Variants in KCNC4 observed in about 807,000 individuals in gnomAD.
The protein encoded by KCNC4 is potassium voltage-gated channel subfamily C member 4.
KCNC4 carries 23 observed loss-of-function variants against 42.8 expected under a neutral mutation model. The ratio of observed to expected loss-of-function variants is 0.54; its 90% CI spans 0.39 to 0.76. KCNC4 has a LOEUF of 0.76. Among genes scored for constraint, KCNC4 ranks in the 30% least tolerant of loss-of-function variants. The pLI, the probability that KCNC4 is intolerant of heterozygous loss-of-function variation, is 0.00. For synonymous variants in KCNC4, 422 were observed against 393.5 expected, an observed-to-expected ratio of 1.07 and a Z score of -0.86; for missense variants, 751 against 898.2, an observed-to-expected ratio of 0.84 and a Z score of 2.10.
chr1:110,239,639 C>T (rs1658986135), exon 4 of KCNC4: 2 of 152,222 alleles, frequency 1.3e-5, no homozygotes, highest in Admixed American at 1.3e-4. Context: ...ACTCCATCCT[C>T]TCTTATTCCT....
chr1:110,250,985 G>A (rs903805949), downstream of KCNC4, among the ~76,000 whole-genome samples: 2 of 152,178 alleles, frequency 1.3e-5, no homozygotes, highest in Admixed American at 6.5e-5. Context: ...ACGGGACTAG[G>A]GCCATGTAAG....
chr1:110,253,759 C>T (rs149227842), downstream of KCNC4, among the ~76,000 whole-genome samples: 25 of 152,296 alleles, frequency 1.6e-4, no homozygotes, highest in East Asian at 4.6e-3. Context: ...TCCTTGTTGA[C>T]GGTGTTATCA....
At chr1:110,258,732 G>A (rs1462326292) in intron 1 of KCNC4, among the ~76,000 whole-genome samples, 1 of 152,148 alleles carries the variant, frequency 6.6e-6, no homozygotes, top group African/African-American at 2.4e-5. Context: ...CAGGATTTGA[G>A]CAAAATATCA....
In KCNC4 at chr1:110,211,403, C is replaced by T. The variant is rs1657436310; in HGVS notation, c.-97C>T. ...GGGCCGCCACCGCCTCCTGCCTCCT[C>T]TTCGTCTCCTCCCCCTCCCCCGTCT... On this transcript the variant is annotated 5_prime_UTR_variant, in exon 1 of 4. Transcript: ENST00000438661. This position sits in a 1 kb window ranked among gnomAD's most constrained non-coding sequence, Gnocchi z 6.5. 1.4e-6 allele frequency: 2 copies of T among 1,476,844 alleles called. No individual in the cohort carries two copies. The highest frequency in any genetic ancestry group is 9.0e-7 in the Non-Finnish European group (1 of 1,107,430). The allele number at this position is 1,476,844 out of a possible 1,614,324, so 91.5% of individuals were successfully genotyped here. A position where few individuals can be genotyped will look rare whatever the true frequency, so the allele number is the denominator to read the frequency against.
At chr1:110,219,679 C>A (rs1657987061) in intron 1 of KCNC4, 2 of 152,176 alleles carry the variant, frequency 1.3e-5, no homozygotes, top group African/African-American at 4.8e-5. Flanking sequence ...ACCTCTTCTT[C>A]CCTTGGCCCC....
chr1:110,212,682 G>A (rs545511858), intron 1 of KCNC4, among the ~76,000 whole-genome samples: 1 of 152,322 alleles, frequency 6.6e-6, no homozygotes, highest in African/African-American at 2.4e-5. Context: ...TCACAACTAT[G>A]CACTTCAGAG....
At chr1:110,236,481 G>T (rs1658910665), downstream of KCNC4, 1 of 152,158 alleles carries the variant, frequency 6.6e-6, no homozygotes, top group Non-Finnish European at 1.5e-5. Flanking sequence ...CATAGCAAAG[G>T]TATTGTTTTC....
At position 110,223,042 on chromosome 1, in the gene KCNC4, A is replaced by G. The variant is rs760315282; in HGVS notation, c.757A>G (p.Ile253Val). 14 of 1,613,872 alleles carry G rather than the reference A, an allele frequency of 8.7e-6. No homozygotes were observed. In the South Asian group the frequency reaches 9.9e-5, roughly 11 times the overall value. ...CCTGGAGACCCATGAGGCCTTTAAT[A>G]TCGACCGCAACGTGACAGAGATCCT... is the stretch of plus-strand genomic sequence containing the variant. ...FCLETHEAFN[I>V]DRNVTEILRV... Residue 253 changes from isoleucine (I) to valine (V), a missense_variant, in exon 2 of 4, where the codon ATC becomes GTC. By Grantham distance (29) the Ile-to-Val change is conservative. Around this residue, in one of 4 missense-constraint regions of KCNC4, gnomAD observed 181 missense variants for 167.3 expected, o/e 1.08. Coordinates refer to ENST00000438661, the MANE Select transcript of KCNC4 (RefSeq NM_001039574.3). The surrounding 1 kb of genome is among the most constrained non-coding windows in gnomAD (Gnocchi z 7.5).
chr1:110,225,921 G>T, intron 2 of KCNC4, 54 bp from the exon 3 acceptor site: 1 of 1,501,238 alleles, frequency 6.7e-7, no homozygotes, highest in South Asian at 1.3e-5. Context: ...GATGACCCAT[G>T]AGCAAGGCTC....
chr1:110,250,476 GCCTGGGCCATTTTGTGATTAGAAACTC>G (rs1050854476), downstream of KCNC4, among the ~76,000 whole-genome samples: 6 of 152,186 alleles, frequency 3.9e-5, no homozygotes, highest in Non-Finnish European at 7.3e-5. Context: ...CACTGCACAA[GCCTGGGCCATTTTGTGATTAGAAACTC>G]CCAGGAAAAA....
At position 110,246,860 on chromosome 1, in the gene KCNC4, G is replaced by T. The variant is rs1488731195; in HGVS notation, c.*14551G>T. 5.4e-5 allele frequency: 8 copies of T among 148,410 alleles called. No individual in the cohort carries two copies. The East Asian group carries it at 1.6e-3, about 29-fold the overall frequency. The allele number at this position is 148,410 out of a possible 1,614,324, so 9.2% of individuals were successfully genotyped here. ...GTTATATCAGGGCTTTTAGAGTATCGGTCACTCAAATAACATACATTGTAC... is the reference window on the plus strand; with the variant it reads ...GTTATATCAGGGCTTTTAGAGTATCTGTCACTCAAATAACATACATTGTAC... On this transcript the variant is annotated 3_prime_UTR_variant, in exon 4 of 4. Coordinates refer to the KCNC4 transcript ENST00000369787.
chr1:110,227,590 TCTCTC>T (rs1288014093), intron 3 of KCNC4, among the ~76,000 whole-genome samples: 2 of 152,208 alleles, frequency 1.3e-5, no homozygotes, highest in Admixed American at 1.3e-4. Context: ...GATTTGGCCT[TCTCTC>T]CCGCCGACCA....
In KCNC4 at chr1:110,274,347, T is replaced by A. The variant is rs373745170; in HGVS notation, n.31-8187T>A. On this transcript the variant is annotated intron_variant and non_coding_transcript_variant, in intron 1 of 2. Coordinates refer to the KCNC4 transcript ENST00000412512. ...AATGAGGAAAACTACAAAACACTGA[T>A]GAAAGAAACTGTAGATGATATAAAC... Among the ~76,000 whole-genome samples, 78 of 152,234 alleles carry A rather than the reference T, an allele frequency of 5.1e-4. No homozygotes were observed. In the Middle Eastern group the frequency reaches 0.014, roughly 27 times the overall value.
At chr1:110,257,019 C>T (rs1226861977) in intron 1 of KCNC4, 2 of 153,852 alleles carry the variant, frequency 1.3e-5, no homozygotes. Flanking sequence ...ATACTTTTTA[C>T]TACATCTGTT....
intron 1 of KCNC4, among the ~76,000 whole-genome samples, chr1:110,264,527 T>G (rs981763342): frequency 6.6e-6 from 1 of 152,206 alleles, no homozygotes; most frequent in Non-Finnish European, 1.5e-5. Flanking sequence ...ATCCATTTAG[T>G]AGGGGTCCGG....
At position 110,274,817 on chromosome 1, in the gene KCNC4, A is replaced by C. The variant is rs1019761854; in HGVS notation, n.31-7717A>C. 4.6e-5 allele frequency among the ~76,000 whole-genome samples: 7 copies of C among 152,346 alleles called. No homozygotes were observed. The South Asian group carries it at 1.4e-3, about 32-fold the overall frequency. On this transcript the variant is annotated intron_variant and non_coding_transcript_variant, in intron 1 of 2. Transcript: ENST00000412512. ...GGGGAAATTGGATTGCTATATGCAG[A>C]AGAATAAAACTGGACCCCTGTCCCT...
exon 4 of KCNC4, chr1:110,244,032 C>T (rs971439049): frequency 1.1e-4 from 17 of 152,118 alleles, no homozygotes; most frequent in African/African-American, 2.2e-4. Flanking sequence ...ATTAGCCTGA[C>T]GCCACCCCAT....
intron 1 of KCNC4, among the ~76,000 whole-genome samples, chr1:110,264,531 G>C (rs1358873157): frequency 6.6e-6 from 1 of 152,052 alleles, no homozygotes; most frequent in African/African-American, 2.4e-5. Flanking sequence ...ATTTAGTAGG[G>C]GTCCGGGTTT....
At chr1:110,239,413 G>A (rs1436867642) in exon 4 of KCNC4, 2 of 152,136 alleles carry the variant, frequency 1.3e-5, no homozygotes, top group Non-Finnish European at 1.5e-5. Flanking sequence ...TCTTGGTGAG[G>A]CGTTTTCCCC....
Sources: gnomAD v4.1 joint callset for allele counts (sites outside exome capture counted in the v4.1 genomes callset) on GRCh38, gnomAD v4.1.1 for gene constraint, gnomAD v4.1.1 regional missense constraint, Gnocchi (gnomAD v3.1) non-coding constraint, MANE v1.5 for transcripts, NCBI Gene and HGNC (gene_info 2026-07-23, HGNC 2026-07-21) for gene names.